The following SPOCK3 variants were observed in gnomAD, a reference collection of about 807,000 sequenced individuals.
SPOCK3 encodes the protein testican-3.
Under a neutral mutation model 56.6 loss-of-function variants are expected in SPOCK3, and 30 were observed. The ratio of observed to expected loss-of-function variants is 0.53; its 90% confidence interval spans 0.40 to 0.72. SPOCK3 has a LOEUF of 0.72. SPOCK3 is among the 30% of genes least tolerant of loss of function. The probability of loss-of-function intolerance (pLI) is 0.00; values close to 1 mark genes in which losing one functional copy is unlikely to be tolerated. For missense variants in SPOCK3, 527 were observed against 530.0 expected, an observed-to-expected ratio of 0.99 and a Z score of 0.06; for synonymous variants, 196 against 183.3, an observed-to-expected ratio of 1.07 and a Z score of -0.56.
At chr4:166,961,980 T>C (rs1387284331) in intron 4 of SPOCK3, among the ~76,000 whole-genome samples, 1 of 152,084 alleles carries the variant, frequency 6.6e-6, no homozygotes, top group Non-Finnish European at 1.5e-5. Flanking sequence ...GAATTAGTCC[T>C]TGTCTTTTCT....
At chr4:167,138,267 T>C (rs1763272934) in intron 2 of SPOCK3, among the ~76,000 whole-genome samples, 1 of 151,896 alleles carries the variant, frequency 6.6e-6, no homozygotes, top group African/African-American at 2.4e-5. Flanking sequence ...CATTAGGTTT[T>C]AACTTCAGAC....
chr4:167,025,906 G>A (rs1024527154), intron 3 of SPOCK3, among the ~76,000 whole-genome samples: 5 of 152,012 alleles, frequency 3.3e-5, no homozygotes, highest in Admixed American at 1.3e-4. Flanking sequence ...CTACATGGTG[G>A]AGCCTATTGC....
chr4:166,892,756 G>C (rs995889817), intron 5 of SPOCK3, among the ~76,000 whole-genome samples: 2 of 152,050 alleles, frequency 1.3e-5, no homozygotes, highest in East Asian at 3.9e-4. Context: ...TAAGTTACGA[G>C]TTCTTGTGAA....
At chr4:166,937,873 C>A (rs988370836) in intron 4 of SPOCK3, among the ~76,000 whole-genome samples, 1 of 149,892 alleles carries the variant, frequency 6.7e-6, no homozygotes, top group Non-Finnish European at 1.5e-5. Context: ...ACGCCATTCT[C>A]CTGCCTCAGC....
intron 3 of SPOCK3, among the ~76,000 whole-genome samples, chr4:167,011,491 C>T (rs1163206501): frequency 6.6e-6 from 1 of 152,090 alleles, no homozygotes; most frequent in Non-Finnish European, 1.5e-5. Flanking sequence ...ATTACAATTT[C>T]ACATTTTTCA....
intron 4 of SPOCK3, among the ~76,000 whole-genome samples, chr4:166,923,095 G>A (rs1347889991): frequency 6.6e-6 from 1 of 152,218 alleles, no homozygotes; most frequent in Admixed American, 6.5e-5. Flanking sequence ...CCAGTGGGGG[G>A]TTTCCAGGTC....
intron 8 of SPOCK3, among the ~76,000 whole-genome samples, chr4:166,743,630 G>A (rs979471002): frequency 6.6e-6 from 1 of 152,162 alleles, no homozygotes; most frequent in East Asian, 1.9e-4. Context: ...GCAGCCCACA[G>A]AGTATGAGCC....
chr4:166,831,253 T>C (rs927888925), intron 6 of SPOCK3, among the ~76,000 whole-genome samples: 5 of 152,204 alleles, frequency 3.3e-5, no homozygotes, highest in Non-Finnish European at 7.4e-5. Flanking sequence ...TCATTTAACA[T>C]AGTAAGTTGT....
At chr4:167,211,590 G>T (rs1489833613) in intron 2 of SPOCK3, among the ~76,000 whole-genome samples, 1 of 152,140 alleles carries the variant, frequency 6.6e-6, no homozygotes, top group Non-Finnish European at 1.5e-5. Flanking sequence ...TAAGTTTCAT[G>T]AGATCTGATG....
intron 6 of SPOCK3, among the ~76,000 whole-genome samples, chr4:166,800,208 G>GAAAAAAAAAA (rs1207796263): frequency 6.1e-4 from 69 of 112,876 alleles, no homozygotes; most frequent in African/African-American, 1.3e-3. Context: ...AAAAAAAAAT[G>GAAAAAAAAAA]AAAACATGGA....
intron 2 of SPOCK3, among the ~76,000 whole-genome samples, chr4:167,072,493 A>C (rs1340121832): frequency 6.6e-6 from 1 of 151,974 alleles, no homozygotes. Flanking sequence ...AGAAGGCTTA[A>C]AAAAATGAGA....
intron 3 of SPOCK3, among the ~76,000 whole-genome samples, chr4:167,024,696 C>T (rs185301506): frequency 1.3e-5 from 2 of 151,884 alleles, no homozygotes; most frequent in African/African-American, 2.4e-5. Context: ...GGGGACTTGG[C>T]GGGAAGGGTG....
intron 3 of SPOCK3, among the ~76,000 whole-genome samples, chr4:167,013,430 C>T (rs1750288971): frequency 6.6e-6 from 1 of 151,258 alleles, no homozygotes; most frequent in South Asian, 2.1e-4. Context: ...AAAATAAATG[C>T]TAATAGGATT....
At chr4:167,205,759 C>T (rs914995952) in intron 2 of SPOCK3, among the ~76,000 whole-genome samples, 8 of 147,702 alleles carry the variant, frequency 5.4e-5, no homozygotes, top group East Asian at 4.1e-4. Flanking sequence ...ATTACAGGCG[C>T]GCCACCATGC....
intron 6 of SPOCK3, among the ~76,000 whole-genome samples, chr4:166,887,513 G>C (rs1332244410): frequency 2.6e-5 from 4 of 152,082 alleles, no homozygotes; most frequent in Non-Finnish European, 5.9e-5. Context: ...AATGAGGAAG[G>C]CACAAACATC....
intron 2 of SPOCK3, among the ~76,000 whole-genome samples, chr4:167,147,067 G>C (rs1219353264): frequency 6.6e-6 from 1 of 151,850 alleles, no homozygotes; most frequent in Non-Finnish European, 1.5e-5. Flanking sequence ...CCACTAACCA[G>C]ACTAATAAAG....
At chr4:167,082,939 A>T (rs184773630) in intron 2 of SPOCK3, among the ~76,000 whole-genome samples, 41 of 152,004 alleles carry the variant, frequency 2.7e-4, no homozygotes, top group Non-Finnish European at 4.6e-4. Context: ...GATACCGGAA[A>T]CTGATCTGAC....
intron 6 of SPOCK3, among the ~76,000 whole-genome samples, chr4:166,880,222 T>TAATAGCTGAGAA (rs1733546626): frequency 1.3e-5 from 2 of 152,200 alleles, no homozygotes; most frequent in South Asian, 4.1e-4. Flanking sequence ...AGCTGAAGTC[T>TAATAGCTGAGAA]GTGGTCATTT....
At chr4:166,806,840 G>T (rs1481773443) in intron 6 of SPOCK3, among the ~76,000 whole-genome samples, 1 of 151,918 alleles carries the variant, frequency 6.6e-6, no homozygotes, top group Non-Finnish European at 1.5e-5. Context: ...AAGACCCTTA[G>T]TAGATACTTG....
Sources: gnomAD v4.1 joint callset for allele counts (sites outside exome capture counted in the v4.1 genomes callset) on GRCh38, gnomAD v4.1.1 for gene constraint, MANE v1.5 for transcripts, NCBI Gene and HGNC (gene_info 2026-07-23, HGNC 2026-07-21) for gene names.